The following KCTD14 variants were observed in gnomAD, a reference collection of about 807,000 sequenced individuals.
The protein encoded by KCTD14 is BTB/POZ domain-containing protein KCTD14.
A neutral mutation model predicts 5.9 loss-of-function variants in KCTD14; 7 were observed. The observed-to-expected ratio is 1.19, with a 90% CI of 0.68 to 2.23. KCTD14 has a LOEUF of 2.23. Among genes scored for constraint, KCTD14 ranks in the 30% most tolerant of loss-of-function variants. The probability of loss-of-function intolerance (pLI) is 0.00; values close to 1 mark genes in which losing one functional copy is unlikely to be tolerated. For missense variants in KCTD14, 342 were observed against 332.2 expected, an observed-to-expected ratio of 1.03 and a Z score of -0.23; for synonymous variants, 140 against 133.1, an observed-to-expected ratio of 1.05 and a Z score of -0.36.
chr11:78,044,221 T>C (rs1205851599), intron 1 of KCTD14, among the ~76,000 whole-genome samples: 1 of 152,122 alleles, frequency 6.6e-6, no homozygotes, highest in East Asian at 1.9e-4. Flanking sequence ...AGGAGAACTA[T>C]CTGGGGAGTC....
intron 1 of KCTD14, among the ~76,000 whole-genome samples, chr11:78,038,936 C>T (rs1857903230): frequency 6.6e-6 from 1 of 152,156 alleles, no homozygotes; most frequent in African/African-American, 2.4e-5. Context: ...AAAAGAATCC[C>T]ATCTCTTGCA....
chr11:78,025,927 C>A (rs960502725), upstream of KCTD14, among the ~76,000 whole-genome samples: 2 of 152,186 alleles, frequency 1.3e-5, no homozygotes, highest in Non-Finnish European at 2.9e-5. Flanking sequence ...CAATACTACT[C>A]CAGCCAGGTG....
At chr11:78,018,961 G>T (rs186894687) in intron 1 of KCTD14, among the ~76,000 whole-genome samples, 1 of 152,016 alleles carries the variant, frequency 6.6e-6, no homozygotes, top group African/African-American at 2.4e-5. Context: ...ATTTCATATA[G>T]ATTAGAAGTT....
At position 78,023,228 on chromosome 11, in the gene KCTD14, C is replaced by T. The variant is rs765493402; in HGVS notation, c.22G>A (p.Glu8Lys). ...CTCGTCATCCTGCCCACTGGCCGCT[C>T]CACTGCGCAGCCCTGCCACATGCAG... MWQGCAV[E>K]RPVGRMTSQT... The change falls in exon 1 of 2, where the codon GAG becomes AAG. Residue 8 changes from glutamate to lysine, a missense_variant. By Grantham distance (56) the Glu-to-Lys change is moderately conservative. Transcript: ENST00000353172. 1.2e-6 allele frequency: 2 copies of T among 1,608,726 alleles called. No individual in the cohort carries two copies. Among genetic ancestry groups the T allele is most frequent in the Non-Finnish European group, 1.7e-6 (2 of 1,179,444 alleles).
chr11:78,045,235 T>C (rs1024304096), intron 1 of KCTD14, among the ~76,000 whole-genome samples: 1 of 152,192 alleles, frequency 6.6e-6, no homozygotes, highest in Non-Finnish European at 1.5e-5. Flanking sequence ...CTCAAGTAGC[T>C]GGGACTACCA....
At chr11:78,026,670 G>A (rs973026808), upstream of KCTD14, among the ~76,000 whole-genome samples, 4 of 152,148 alleles carry the variant, frequency 2.6e-5, no homozygotes, top group African/African-American at 9.7e-5. Context: ...TTGGGAGGCT[G>A]AGGCAAGAGG....
chr11:78,025,324 G>A (rs1163975294), upstream of KCTD14, among the ~76,000 whole-genome samples: 2 of 151,768 alleles, frequency 1.3e-5, no homozygotes, highest in African/African-American at 2.4e-5. Flanking sequence ...TAGGCTGGGA[G>A]GCTAGGCCAG....
chr11:78,045,810 A>G (rs1394015164), intron 1 of KCTD14, among the ~76,000 whole-genome samples: 3 of 152,154 alleles, frequency 2.0e-5, no homozygotes, highest in Non-Finnish European at 4.4e-5. Flanking sequence ...AACGCCCGTC[A>G]AAGTGCTCCC....
chr11:78,042,282 T>G (rs1417618838), intron 1 of KCTD14, among the ~76,000 whole-genome samples: 3 of 152,184 alleles, frequency 2.0e-5, no homozygotes, highest in Admixed American at 2.0e-4. Flanking sequence ...CCAAGCGGGA[T>G]GGATCACTTG....
intron 2 of KCTD14, among the ~76,000 whole-genome samples, chr11:78,032,086 T>A (rs1032565146): frequency 6.6e-6 from 1 of 152,198 alleles, no homozygotes; most frequent in Non-Finnish European, 1.5e-5. Flanking sequence ...AATGGGAGTT[T>A]TGATGCCCCT....
At chr11:78,031,626 G>A (rs935097175) in intron 2 of KCTD14, among the ~76,000 whole-genome samples, 2 of 151,840 alleles carry the variant, frequency 1.3e-5, no homozygotes, top group East Asian at 3.9e-4. Context: ...GATCTCTAGC[G>A]GTCTGCCCAC....
chr11:78,040,085 T>C (rs1308930159), intron 1 of KCTD14, among the ~76,000 whole-genome samples: 1 of 152,182 alleles, frequency 6.6e-6, no homozygotes, highest in Admixed American at 6.5e-5. Context: ...GCCCTGTTTA[T>C]GTTTTTGCCC....
chr11:78,015,863 A>C lies in KCTD14; in HGVS notation c.*730T>G, dbSNP rs1857148785. Reference sequence around the variant, plus strand: ...TTCCATGAGGAGCTCTGGGAAAGGAAGTTCCTTGATGTAAGAGGTCAGTCT... The same window carrying C: ...TTCCATGAGGAGCTCTGGGAAAGGACGTTCCTTGATGTAAGAGGTCAGTCT... On this transcript the variant is annotated 3_prime_UTR_variant, in exon 2 of 2. Transcript: ENST00000353172. The C allele has an allele frequency of 4.6e-5, 7 of 152,238 alleles. No individual in the cohort carries two copies. Among genetic ancestry groups the C allele is most frequent in the Admixed American group, 3.9e-4 (6 of 15,278 alleles). The allele number at this position is 152,238 out of a possible 1,614,324, so 9.4% of individuals were successfully genotyped here.
upstream of KCTD14, among the ~76,000 whole-genome samples, chr11:78,025,110 GTGTGTGTGTATATATATATATA>G (rs1174296434): frequency 8.9e-3 from 622 of 70,002 alleles, 1 homozygote; most frequent in African/African-American, 0.036. Flanking sequence ...GTGTGTGTGT[GTGTGTGTGTATATATATATATA>G]TATATATATA....
Position 78,046,162 on chromosome 11 carries a change from A to T in KCTD14, c.-197T>A. ...GTCCACAGAATCAGTTCGCAAGGGCAGGAGCAGGAAAGAAAGAGATCGGCT... is the reference window on the plus strand; with the variant it reads ...GTCCACAGAATCAGTTCGCAAGGGCTGGAGCAGGAAAGAAAGAGATCGGCT... On this transcript the variant is annotated 5_prime_UTR_variant, in exon 1 of 3. Transcript: ENST00000533144. The T allele has an allele frequency of 3.0e-6, 3 of 984,098 alleles. No homozygotes were observed. In the South Asian group the frequency reaches 1.4e-4, roughly 46 times the overall value. 61.0% of individuals were successfully genotyped at this position (984,098 alleles called of 1,614,324 possible). A position where few individuals can be genotyped will look rare whatever the true frequency, so the allele number is the denominator to read the frequency against.
chr11:78,044,975 G>A (rs1858095821), intron 1 of KCTD14, among the ~76,000 whole-genome samples: 1 of 152,158 alleles, frequency 6.6e-6, no homozygotes, highest in Non-Finnish European at 1.5e-5. Flanking sequence ...TATGTTTACT[G>A]AAATTGTTCA....
chr11:78,024,462 A>G (rs887913924), upstream of KCTD14, among the ~76,000 whole-genome samples: 3 of 148,470 alleles, frequency 2.0e-5, no homozygotes, highest in Non-Finnish European at 4.5e-5. Context: ...ATATATATAC[A>G]TATATATATA....
chr11:78,034,303 T>G (rs1195122892), intron 2 of KCTD14, among the ~76,000 whole-genome samples: 1 of 152,164 alleles, frequency 6.6e-6, no homozygotes, highest in Non-Finnish European at 1.5e-5. Flanking sequence ...TTAAATTTTT[T>G]GTAGAGACGA....
At chr11:78,024,744 G>A (rs553063324), upstream of KCTD14, among the ~76,000 whole-genome samples, 95 of 151,832 alleles carry the variant, frequency 6.3e-4, no homozygotes, top group African/African-American at 2.1e-3. Flanking sequence ...TTAGGAGTTC[G>A]AGACCAGCCT....
Sources: gnomAD v4.1 joint callset for allele counts (sites outside exome capture counted in the v4.1 genomes callset) on GRCh38, gnomAD v4.1.1 for gene constraint, MANE v1.5 for transcripts, NCBI Gene and HGNC (gene_info 2026-07-23, HGNC 2026-07-21) for gene names.